GRAMD1B: variants seen among roughly 807,000 people sequenced by gnomAD.
GRAMD1B encodes protein Aster-B.
In GRAMD1B, 37 loss-of-function variants were observed where a neutral mutation model predicts 99.7. The observed-to-expected ratio is 0.37, with a 90% CI of 0.29 to 0.49. GRAMD1B has a LOEUF of 0.49. Ranked by LOEUF, GRAMD1B falls within the 20% of genes least tolerant of loss-of-function variation. The probability of loss-of-function intolerance (pLI) is 0.98; values close to 1 mark genes in which losing one functional copy is unlikely to be tolerated. For synonymous variants in GRAMD1B, 427 were observed against 387.6 expected (o/e 1.10, Z -1.19); for missense variants, 888 against 1,009.2 (o/e 0.88, Z 1.63).
At position 123,596,026 on chromosome 11, in the gene GRAMD1B, G is replaced by T; in HGVS notation, c.958G>T (p.Asp320Tyr). The T allele has an allele frequency of 6.3e-7, 1 of 1,594,578 alleles. No homozygotes were observed. The highest frequency in any genetic ancestry group is 1.1e-5 in the South Asian group (1 of 88,780). Residue 320 changes from aspartate (D) to tyrosine (Y), a missense_variant, in exon 7 of 20, where the codon GAT becomes TAT. Physicochemically the swap from Asp to Tyr is radical, Grantham distance 160. Transcript: ENST00000635736. ...TCCCAATGCCATCCAAGTTTGCACT[G>T]ATTCAGAAAAGGTAAGTGGAGTCTA... Reference protein sequence around the residue: ...LIPNAIQVCTDSEKHFFTSFG... With the variant: ...LIPNAIQVCTYSEKHFFTSFG...
chr11:123,475,925 C>G (rs552430730), intron 1 of GRAMD1B, among the ~76,000 whole-genome samples: 23 of 152,206 alleles, frequency 1.5e-4, no homozygotes, highest in East Asian at 1.4e-3. Flanking sequence ...ATTTAGGGAG[C>G]AGCGTGAGTT....
chr11:123,471,936 G>T (rs1454024942), intron 1 of GRAMD1B, among the ~76,000 whole-genome samples: 1 of 152,190 alleles, frequency 6.6e-6, no homozygotes, highest in African/African-American at 2.4e-5. Flanking sequence ...CAATTACAAA[G>T]TAGTATGTAT....
chr11:123,570,693 G>T (rs1222148154), intron 2 of GRAMD1B, among the ~76,000 whole-genome samples: 1 of 151,956 alleles, frequency 6.6e-6, no homozygotes, highest in Non-Finnish European at 1.5e-5. Flanking sequence ...CAAAATTCTG[G>T]GATTACAGGT....
chr11:123,366,137 T>G (rs1946312580), intron 1 of GRAMD1B, among the ~76,000 whole-genome samples: 1 of 152,252 alleles, frequency 6.6e-6, no homozygotes, highest in Non-Finnish European at 1.5e-5. Flanking sequence ...TGCTAATTTC[T>G]GGTCCTGGCT....
chr11:123,600,293 G>T, intron 7 of GRAMD1B, among the ~76,000 whole-genome samples, 175 bp from the exon 8 acceptor site: 1 of 152,174 alleles, frequency 6.6e-6, no homozygotes, highest in African/African-American at 2.4e-5. Flanking sequence ...AGGTACCCAG[G>T]CCTCTGGTGT....
At chr11:123,467,946 C>T (rs1950785259) in intron 1 of GRAMD1B, among the ~76,000 whole-genome samples, 2 of 151,814 alleles carry the variant, frequency 1.3e-5, no homozygotes, top group African/African-American at 4.8e-5. Context: ...TCACTGCAAC[C>T]TCTGCCTCCC....
At chr11:123,401,554 G>A (rs1947662512) in intron 1 of GRAMD1B, among the ~76,000 whole-genome samples, 1 of 152,200 alleles carries the variant, frequency 6.6e-6, no homozygotes. Context: ...GCTGTAAGAG[G>A]CTCCTCCATC....
intron 2 of GRAMD1B, among the ~76,000 whole-genome samples, chr11:123,487,059 ACT>A (rs1330294459): frequency 6.6e-6 from 1 of 152,162 alleles, no homozygotes. Flanking sequence ...ACAGAGTGAG[ACT>A]CTGTCTCAAA....
intron 2 of GRAMD1B, among the ~76,000 whole-genome samples, chr11:123,488,758 C>G (rs980108223): frequency 6.6e-6 from 1 of 152,090 alleles, no homozygotes; most frequent in African/African-American, 2.4e-5. Context: ...GGGAGCCCTA[C>G]CCTAGAAGTG....
intron 2 of GRAMD1B, among the ~76,000 whole-genome samples, chr11:123,489,537 G>A (rs1938299518): frequency 6.6e-6 from 1 of 152,198 alleles, no homozygotes; most frequent in Admixed American, 6.5e-5. Context: ...AGAAAGAATA[G>A]TTAAAAGGGT....
At chr11:123,622,415 G>T in intron 19 of GRAMD1B, 91 bp from the exon 20 acceptor site, 2 of 785,538 alleles carry the variant, frequency 2.5e-6, no homozygotes, top group Non-Finnish European at 4.4e-6. Context: ...TTGGAGGCCT[G>T]CCCTAGGCGG....
chr11:123,362,518 T>C (rs558606951), intron 1 of GRAMD1B, among the ~76,000 whole-genome samples: 2 of 152,202 alleles, frequency 1.3e-5, no homozygotes, highest in African/African-American at 2.4e-5. Context: ...GCAACTTGCA[T>C]TTATTTTTTT....
chr11:123,590,129 C>T lies in GRAMD1B; in HGVS notation c.685-3953C>T, dbSNP rs77381381. Among the ~76,000 whole-genome samples the T allele has an allele frequency of 9.6e-3, 1,469 of 152,248 alleles. 24 individuals carry two copies. The highest frequency in any genetic ancestry group is 0.033 in the African/African-American group (1,377 of 41,528). On this transcript the variant is annotated intron_variant, in intron 4 of 19. Coordinates refer to ENST00000635736, the MANE Select transcript of GRAMD1B (RefSeq NM_001387025.1). ...TTGCTACTTTGACCTGAAGATCTGA[C>T]GGTCTTTTTGGGCTTGGTCCCCCTC...
chr11:123,491,205 G>T (rs896825072), intron 2 of GRAMD1B, among the ~76,000 whole-genome samples: 1 of 152,134 alleles, frequency 6.6e-6, no homozygotes. Context: ...GGTGGTGCAC[G>T]TCATGCTAGA....
chr11:123,434,738 A>C (rs1005863905), intron 1 of GRAMD1B, among the ~76,000 whole-genome samples: 1 of 152,214 alleles, frequency 6.6e-6, no homozygotes. Flanking sequence ...CAGTGAGCTG[A>C]GATCACACCA....
intron 3 of GRAMD1B, among the ~76,000 whole-genome samples, chr11:123,577,864 G>A (rs985923173): frequency 1.3e-5 from 2 of 151,982 alleles, no homozygotes; most frequent in Admixed American, 6.5e-5. Flanking sequence ...GGGGTCATCT[G>A]CTTATTCCTG....
rs373280158 is a variant in GRAMD1B, at chr11:123,582,595, A to G, written c.664-1717A>G. 1.3e-3 allele frequency among the ~76,000 whole-genome samples: 199 copies of G among 152,240 alleles called. 1 individual carries two copies. The highest frequency in any genetic ancestry group is 4.6e-3 in the African/African-American group (191 of 41,542). ...CTGGCCATCGAGGGCATGTGTGAGG[A>G]CGAAGCTGCTCAGAAGCAGCCCCAC... On this transcript the variant is annotated intron_variant, in intron 3 of 19. Transcript: ENST00000635736.
intron 1 of GRAMD1B, among the ~76,000 whole-genome samples, chr11:123,453,359 T>G (rs1591571707): frequency 6.6e-6 from 1 of 152,218 alleles, no homozygotes; most frequent in East Asian, 1.9e-4. Flanking sequence ...CTCTGTCATC[T>G]AGGCTGGAGT....
rs181247957 is a variant in GRAMD1B, at chr11:123,411,061, G to A, written c.-176+52262G>A. The stretch of plus-strand genomic sequence containing the variant: ...GCTCTGTCACCCAGGCTGGAGTGCA[G>A]TGGCATGATCTCGGCTCACTGCAAG... On this transcript the variant is annotated intron_variant, in intron 1 of 20. Coordinates refer to the GRAMD1B transcript ENST00000638157. Among the ~76,000 whole-genome samples the A allele has an allele frequency of 8.2e-3, 1,243 of 151,714 alleles. 19 individuals are homozygous for A. Among genetic ancestry groups the A allele is most frequent in the African/African-American group, 0.029 (1,185 of 41,318 alleles).
Sources: gnomAD v4.1 joint callset for allele counts (sites outside exome capture counted in the v4.1 genomes callset) on GRCh38, gnomAD v4.1.1 for gene constraint, MANE v1.5 for transcripts, NCBI Gene and HGNC (gene_info 2026-07-23, HGNC 2026-07-21) for gene names.